WLS: variants seen among roughly 807,000 people sequenced by gnomAD.
WLS encodes protein wntless homolog.
Under a neutral mutation model 62.8 loss-of-function variants are expected in WLS, and 23 were observed. That is an observed-to-expected ratio of 0.37 (90% CI 0.26 to 0.52). The LOEUF (loss-of-function observed/expected upper bound fraction) is 0.52. WLS is among the 20% of genes least tolerant of loss of function. The pLI is 0.92. For missense variants in WLS, 615 were observed against 697.3 expected (o/e 0.88, Z 1.33); for synonymous variants, 246 against 244.1 (o/e 1.01, Z -0.07).
chr1:68,213,140 G>C lies in WLS; in HGVS notation c.107-18913C>G, dbSNP rs560007423. ...TATTTGCCAAGGGAAAGCATTACCA[G>C]GTCCATTTAGAAAGACAAGAGGAAG... On this transcript the variant is annotated intron_variant, in intron 1 of 11. Transcript: ENST00000262348. Among the ~76,000 whole-genome samples the C allele has an allele frequency of 9.2e-5, 14 of 152,244 alleles. No individual in the cohort carries two copies. The South Asian group carries it at 2.9e-3, about 32-fold the overall frequency.
rs75216995 is a variant in WLS at position 68,113,851 on chromosome 1, G to A, written c.1511-15098C>T. Among the ~76,000 whole-genome samples the A allele has an allele frequency of 1.7e-3, 260 of 152,332 alleles. 1 individual carries two copies. Among genetic ancestry groups the A allele is most frequent in the African/African-American group, 6.0e-3 (248 of 41,584 alleles). On this transcript the variant is annotated intron_variant, in intron 11 of 11. Transcript: ENST00000354777. ...CCCACAAGCTGTCCTACAGTGAAAG[G>A]GAGCAGAACGATAATGTGCATTTGA... is the stretch of plus-strand genomic sequence containing the variant.
intron 1 of WLS, 89 bp downstream of exon 1, chr1:68,232,105 T>C (rs1650454941): frequency 6.4e-7 from 1 of 1,551,932 alleles, no homozygotes; most frequent in African/African-American, 1.4e-5. Context: ...AGCAAGGCAG[T>C]GATACTGTAA....
At chr1:68,178,439 G>T (rs530488347) in intron 2 of WLS, among the ~76,000 whole-genome samples, 1 of 152,120 alleles carries the variant, frequency 6.6e-6, no homozygotes, top group East Asian at 1.9e-4. Context: ...GGTGGCTTAC[G>T]CCTGTAATCC....
chr1:68,185,356 T>A (rs1167931238), intron 2 of WLS, among the ~76,000 whole-genome samples: 1 of 152,136 alleles, frequency 6.6e-6, no homozygotes, highest in African/African-American at 2.4e-5. Flanking sequence ...AGGATACACA[T>A]GAACAACCAG....
intron 2 of WLS, among the ~76,000 whole-genome samples, chr1:68,160,014 C>T (rs79654635): frequency 0.039 from 5,859 of 150,124 alleles, 142 homozygotes; most frequent in Middle Eastern, 0.096. Flanking sequence ...TAAAACATTG[C>T]ACCTATTAAT....
rs139633954 is a variant in WLS, at chr1:68,150,200, G to A, written c.960C>T (p.Gly320=). The change falls in exon 6 of 12, where the codon GGC becomes GGT. Residue 320 remains glycine, a synonymous_variant. Coordinates refer to ENST00000262348, the MANE Select transcript of WLS (RefSeq NM_024911.7). ...MLLSFWIIFC[G]EHMMDQHERN... is the part of the protein sequence containing the mutation. ...CGGCGGCTCTTACCATCATGTGCTCGCCACAGAAGATGATCCAGAAGGACA... is the reference window on the plus strand; with the variant it reads ...CGGCGGCTCTTACCATCATGTGCTCACCACAGAAGATGATCCAGAAGGACA... 101 of 1,614,120 alleles carry A rather than the reference G, an allele frequency of 6.3e-5. No homozygotes were observed. Among genetic ancestry groups the A allele is most frequent in the African/African-American group, 4.3e-4 (32 of 75,054 alleles).
chr1:68,214,182 A>AACACAC (rs71581159), intron 1 of WLS, among the ~76,000 whole-genome samples: 3,569 of 146,302 alleles, frequency 0.024, 89 homozygotes, highest in African/African-American at 0.064. Context: ...GTGATCTCTG[A>AACACAC]ACACACACAC....
In WLS at chr1:68,125,565, T is replaced by TA. The variant is rs1365078510; in HGVS notation, c.*660dup. 6 of 985,336 alleles carry TA rather than the reference T, an allele frequency of 6.1e-6. No homozygotes were observed. In the African/African-American group the frequency reaches 1.0e-4, roughly 17 times the overall value. 61.0% of individuals were successfully genotyped at this position (985,336 alleles called of 1,614,324 possible). On this transcript the variant is annotated 3_prime_UTR_variant, in exon 12 of 12. Coordinates refer to ENST00000262348, the MANE Select transcript of WLS (RefSeq NM_024911.7). The stretch of plus-strand genomic sequence containing the variant: ...CTTGGGTAGTTTAGCAAACATTTTT[T>TA]AAAACCCACATCCAACAGATTGGTT...
chr1:68,210,088 G>C (rs909570928), intron 1 of WLS, among the ~76,000 whole-genome samples: 1 of 152,214 alleles, frequency 6.6e-6, no homozygotes, highest in Non-Finnish European at 1.5e-5. Flanking sequence ...GGACTCAGCA[G>C]TATGGATGTC....
At chr1:68,118,442 T>A (rs1361370298) in intron 11 of WLS, among the ~76,000 whole-genome samples, 1 of 152,212 alleles carries the variant, frequency 6.6e-6, no homozygotes, top group Non-Finnish European at 1.5e-5. Flanking sequence ...CAGGTGTCCA[T>A]GATAAATGCT....
intron 1 of WLS, among the ~76,000 whole-genome samples, chr1:68,214,370 C>CA (rs1330124023): frequency 6.7e-6 from 1 of 148,352 alleles, no homozygotes; most frequent in Non-Finnish European, 1.5e-5. Context: ...CAACTTACTC[C>CA]TTTTTTTTTT....
At chr1:68,099,070 A>G (rs924947130) in intron 11 of WLS, among the ~76,000 whole-genome samples, 2 of 152,158 alleles carry the variant, frequency 1.3e-5, no homozygotes, top group African/African-American at 4.8e-5. Flanking sequence ...GTTCATCTTA[A>G]GATAGAACTG....
intron 10 of WLS, chr1:68,142,880 A>T (rs1310804977): frequency 6.6e-6 from 1 of 152,204 alleles, no homozygotes; most frequent in African/African-American, 2.4e-5. Context: ...AGAAAAAATT[A>T]TATATTTTCA....
chr1:68,118,746 A>G (rs1198617408), intron 11 of WLS, among the ~76,000 whole-genome samples: 2 of 151,796 alleles, frequency 1.3e-5, no homozygotes, highest in Admixed American at 1.3e-4. Flanking sequence ...GTGGTGGCAG[A>G]TGCCTGTAAT....
At chr1:68,116,995 C>A (rs1646301145) in intron 11 of WLS, among the ~76,000 whole-genome samples, 1 of 152,196 alleles carries the variant, frequency 6.6e-6, no homozygotes, top group South Asian at 2.1e-4. Context: ...CACCTTTGTG[C>A]AGGTTAGAAT....
In WLS at chr1:68,119,469, A is replaced by G. The variant is rs149192154; in HGVS notation, c.1510+18311T>C. On this transcript the variant is annotated intron_variant, in intron 11 of 11. Transcript: ENST00000354777. ...CAGAGGCCATGGGTGCCTCACCCATATTCCTCAAGCTGGCCCTAGTTCCAA... is the reference window on the plus strand; with the variant it reads ...CAGAGGCCATGGGTGCCTCACCCATGTTCCTCAAGCTGGCCCTAGTTCCAA... Among the ~76,000 whole-genome samples, 536 of 152,338 alleles carry G rather than the reference A, an allele frequency of 3.5e-3. 6 individuals are homozygous for G. Among genetic ancestry groups the G allele is most frequent in the African/African-American group, 0.012 (519 of 41,570 alleles).
chr1:68,205,408 A>T (rs1305146873), intron 1 of WLS, among the ~76,000 whole-genome samples: 1 of 152,212 alleles, frequency 6.6e-6, no homozygotes. Flanking sequence ...TTTAAAAAAA[A>T]CTGCTCCCAA....
chr1:68,184,894 TACC>T (rs1012056685), intron 2 of WLS, among the ~76,000 whole-genome samples: 1 of 152,108 alleles, frequency 6.6e-6, no homozygotes, highest in African/African-American at 2.4e-5. Context: ...GTTTTAAAAC[TACC>T]ACCATTTAGA....
rs573718564 is a variant in WLS, at chr1:68,163,081, C to A, written c.380-3834G>T. 109 of 1,566,962 alleles carry A rather than the reference C, an allele frequency of 7.0e-5. No individual in the cohort carries two copies. In the African/African-American group the frequency reaches 1.3e-3, roughly 18 times the overall value. On this transcript the variant is annotated intron_variant, in intron 2 of 11. Coordinates refer to ENST00000262348, the MANE Select transcript of WLS (RefSeq NM_024911.7). ...TGTCTCTTGACTTTGTGCTTATCCA[C>A]AAGGGCCATACTTTATGGAACTTTG...
Sources: gnomAD v4.1 joint callset for allele counts (sites outside exome capture counted in the v4.1 genomes callset) on GRCh38, gnomAD v4.1.1 for gene constraint, MANE v1.5 for transcripts, NCBI Gene and HGNC (gene_info 2026-07-23, HGNC 2026-07-21) for gene names.